Variants in STK39 observed in about 807,000 individuals in gnomAD.
STK39 encodes STE20/SPS1-related proline-alanine-rich protein kinase.
In STK39, 20 loss-of-function variants were observed where a neutral mutation model predicts 77.8. The ratio of observed to expected loss-of-function variants is 0.26; its 90% CI spans 0.18 to 0.37. The LOEUF (loss-of-function observed/expected upper bound fraction) is 0.37. STK39 is among the 10% of genes least tolerant of loss of function. STK39 has a pLI of 1.00. For missense variants in STK39, 479 were observed against 656.5 expected (o/e 0.73, Z 2.95); for synonymous variants, 246 against 234.1 (o/e 1.05, Z -0.47).
intron 17 of STK39, among the ~76,000 whole-genome samples, chr2:167,960,778 C>A (rs1442766307): frequency 6.6e-6 from 1 of 152,126 alleles, no homozygotes; most frequent in African/African-American, 2.4e-5. Flanking sequence ...TGCCCCCACC[C>A]CCCCACCATA....
chr2:168,054,769 GA>G, intron 14 of STK39, among the ~76,000 whole-genome samples: 1 of 70,128 alleles, frequency 1.4e-5, no homozygotes, highest in East Asian at 3.1e-4. Context: ...TTTGGTTGTT[GA>G]AAAAAACAAA....
At chr2:168,175,435 TGA>T (rs2105615680) in intron 2 of STK39, among the ~76,000 whole-genome samples, 1 of 152,226 alleles carries the variant, frequency 6.6e-6, no homozygotes, top group East Asian at 1.9e-4. Flanking sequence ...AAAAAAAGCA[TGA>T]GAGGTTAGAC....
intron 5 of STK39, among the ~76,000 whole-genome samples, chr2:168,148,654 T>C (rs1559120647): frequency 6.6e-6 from 1 of 152,182 alleles, no homozygotes; most frequent in Non-Finnish European, 1.5e-5. Flanking sequence ...GGAGTAGTTT[T>C]CCTTCTATTA....
chr2:168,014,455 C>A (rs915931615), intron 15 of STK39, among the ~76,000 whole-genome samples: 2 of 151,620 alleles, frequency 1.3e-5, no homozygotes, highest in African/African-American at 4.9e-5. Context: ...CAGAGTGAAA[C>A]CCTGTCTATT....
chr2:168,009,310 G>A (rs1312059425), intron 16 of STK39, among the ~76,000 whole-genome samples: 3 of 152,152 alleles, frequency 2.0e-5, no homozygotes, highest in Admixed American at 6.5e-5. Flanking sequence ...GGATTGGTTA[G>A]AGGGAACAAG....
chr2:168,209,914 GC>G (rs1689841876), intron 1 of STK39, among the ~76,000 whole-genome samples: 1 of 151,018 alleles, frequency 6.6e-6, no homozygotes, highest in South Asian at 2.1e-4. Context: ...CAAGAGAATT[GC>G]TTGAGCCTGG....
rs114259697 is a variant in STK39, at chr2:168,107,561, G to C, written c.1089+21980C>G. Among the ~76,000 whole-genome samples the C allele has an allele frequency of 5.8e-3, 889 of 152,256 alleles. 11 individuals are homozygous for C. The highest frequency in any genetic ancestry group is 0.02 in the African/African-American group (846 of 41,538). On this transcript the variant is annotated intron_variant, in intron 10 of 17. Transcript: ENST00000355999. ...TATCAGGGAATTGCCATCACATAAAGGAAGTCTGGACTGACTCATTATTTG... is the reference window on the plus strand; with the variant it reads ...TATCAGGGAATTGCCATCACATAAACGAAGTCTGGACTGACTCATTATTTG...
chr2:168,059,600 G>C (rs1032948219), intron 14 of STK39, among the ~76,000 whole-genome samples: 3 of 152,104 alleles, frequency 2.0e-5, no homozygotes, highest in African/African-American at 7.2e-5. Flanking sequence ...GCTTGGGAGA[G>C]GACCATGAGT....
intron 14 of STK39, among the ~76,000 whole-genome samples, chr2:168,032,407 C>T (rs1684851797): frequency 6.6e-6 from 1 of 152,140 alleles, no homozygotes; most frequent in Non-Finnish European, 1.5e-5. Context: ...AAGTTAAGGA[C>T]TTAACAAGAC....
intron 10 of STK39, among the ~76,000 whole-genome samples, chr2:168,122,735 C>A (rs1194580178): frequency 1.3e-5 from 2 of 152,232 alleles, no homozygotes; most frequent in South Asian, 2.1e-4. Context: ...CCACACTCAG[C>A]CAACAAGGTG....
At chr2:168,215,407 T>C (rs761668894) in intron 1 of STK39, among the ~76,000 whole-genome samples, 2 of 152,194 alleles carry the variant, frequency 1.3e-5, no homozygotes, top group African/African-American at 2.4e-5. Context: ...GCCTGGCTGT[T>C]TGGTATTAAG....
At chr2:168,097,529 C>A (rs1369566936) in intron 10 of STK39, among the ~76,000 whole-genome samples, 3 of 152,094 alleles carry the variant, frequency 2.0e-5, no homozygotes, top group Non-Finnish European at 2.9e-5. Flanking sequence ...GATTGAGACA[C>A]ACCTGAGCAA....
intron 10 of STK39, among the ~76,000 whole-genome samples, chr2:168,118,190 T>C (rs1300303573): frequency 6.6e-6 from 1 of 151,922 alleles, no homozygotes; most frequent in Non-Finnish European, 1.5e-5. Context: ...TCTCAGCAAG[T>C]AACACGCCAC....
intron 14 of STK39, among the ~76,000 whole-genome samples, chr2:168,043,446 AAAC>A (rs1402828695): frequency 6.6e-6 from 1 of 152,222 alleles, no homozygotes; most frequent in African/African-American, 2.4e-5. Context: ...AAAGGCAAAC[AAAC>A]AACCCCCAAA....
intron 10 of STK39, among the ~76,000 whole-genome samples, chr2:168,100,425 T>G (rs770776290): frequency 4.0e-5 from 6 of 151,714 alleles, no homozygotes; most frequent in Non-Finnish European, 5.9e-5. Context: ...CATTTATTTA[T>G]TTATTTAGTT....
chr2:167,982,992 C>G (rs1351255319), intron 16 of STK39, among the ~76,000 whole-genome samples: 1 of 152,178 alleles, frequency 6.6e-6, no homozygotes, highest in Non-Finnish European at 1.5e-5. Context: ...TGGCTCACTG[C>G]TGTACACCCA....
At chr2:167,990,394 G>A (rs1683671530) in intron 16 of STK39, among the ~76,000 whole-genome samples, 1 of 152,162 alleles carries the variant, frequency 6.6e-6, no homozygotes, top group Admixed American at 6.6e-5. Context: ...TGTACAAACA[G>A]ATATCCAATT....
intron 1 of STK39, chr2:168,231,962 G>A (rs145160653): frequency 2.7e-4 from 64 of 238,184 alleles, no homozygotes; most frequent in African/African-American, 1.4e-3. Context: ...TCACAGAAGA[G>A]ATCTGTCTTA....
intron 16 of STK39, among the ~76,000 whole-genome samples, chr2:167,983,485 GA>G (rs1683482706): frequency 7.9e-5 from 1 of 12,720 alleles, no homozygotes. Context: ...TGAAAGGAAG[GA>G]AGGAAGGAAG....
Sources: allele counts gnomAD v4.1 joint callset (sites outside exome capture counted in the v4.1 genomes callset), GRCh38; gene constraint gnomAD v4.1.1; transcripts MANE v1.5; gene names NCBI Gene and HGNC (gene_info 2026-07-23, HGNC 2026-07-21).